The following KIAA0825 variants were observed in gnomAD, a reference collection of about 807,000 sequenced individuals.
KIAA0825 encodes the protein uncharacterized protein KIAA0825.
KIAA0825 carries 119 observed loss-of-function variants against 147.6 expected under a neutral mutation model. That is an observed-to-expected ratio of 0.81 (90% CI 0.69 to 0.94). The LOEUF (loss-of-function observed/expected upper bound fraction) is 0.94, where lower values mean the gene tolerates loss of function less well. Among genes scored for constraint, KIAA0825 ranks in the 40% least tolerant of loss-of-function variants. KIAA0825 has a pLI of 0.00. For synonymous variants in KIAA0825, 470 were observed against 518.1 expected (o/e 0.91, Z 1.26); for missense variants, 1,381 against 1,472.7 (o/e 0.94, Z 1.02).
intron 20 of KIAA0825, among the ~76,000 whole-genome samples, chr5:94,236,018 T>C (rs1024712704): frequency 6.6e-6 from 1 of 152,116 alleles, no homozygotes; most frequent in African/African-American, 2.4e-5. Context: ...AGGAGATTCA[T>C]GTTGTTTTTA....
chr5:94,319,040 T>C (rs1241214014), intron 20 of KIAA0825, among the ~76,000 whole-genome samples: 1 of 151,842 alleles, frequency 6.6e-6, no homozygotes, highest in Non-Finnish European at 1.5e-5. Flanking sequence ...AGGCTTGATA[T>C]TGATGAGAGA....
intron 20 of KIAA0825, among the ~76,000 whole-genome samples, chr5:94,365,619 CCTAA>C (rs1304943225): frequency 1.3e-5 from 2 of 152,162 alleles, no homozygotes; most frequent in Non-Finnish European, 2.9e-5. Flanking sequence ...AGAGATCGGA[CCTAA>C]CTAACACCAT....
chr5:94,211,067 G>A (rs1006335160), intron 20 of KIAA0825, among the ~76,000 whole-genome samples: 3 of 152,090 alleles, frequency 2.0e-5, no homozygotes, highest in African/African-American at 7.2e-5. Context: ...CAAAATCTGA[G>A]TTCCTGGCTT....
chr5:94,509,064 G>C (rs1766128479), intron 5 of KIAA0825, among the ~76,000 whole-genome samples: 1 of 152,194 alleles, frequency 6.6e-6, no homozygotes, highest in African/African-American at 2.4e-5. Context: ...AAATGAAGCA[G>C]GGGGGTCTGA....
intron 20 of KIAA0825, among the ~76,000 whole-genome samples, chr5:94,274,256 T>A (rs988593936): frequency 6.6e-6 from 1 of 152,150 alleles, no homozygotes; most frequent in Non-Finnish European, 1.5e-5. Flanking sequence ...TAATATGAGA[T>A]GGTTGAACTA....
intron 20 of KIAA0825, among the ~76,000 whole-genome samples, chr5:94,161,988 A>T (rs1469130933): frequency 6.6e-6 from 1 of 152,228 alleles, no homozygotes; most frequent in Non-Finnish European, 1.5e-5. Flanking sequence ...ACCCAAGCTG[A>T]GGCCACTTAA....
rs1562283991 is a variant in KIAA0825, at chr5:94,152,846, AAAAAAAAAATTATATATATATATATATAT to A, written c.*1132_*1160del. 7.5e-4 allele frequency: 27 copies of A among 36,188 alleles called. No homozygotes were observed. The highest frequency in any genetic ancestry group is 2.6e-3 in the African/African-American group (26 of 10,176). 2.2% of individuals were successfully genotyped at this position (36,188 alleles called of 1,614,324 possible). A position where few individuals can be genotyped will look rare whatever the true frequency, so the allele number is the denominator to read the frequency against. Reference sequence around the variant, plus strand: ...GAAAAAAAAAAAAAAAAAAAAAAAAAAAAAAAAAATTATATATATATATATATATATATATATATATATATATATATATA... The same window carrying A: ...GAAAAAAAAAAAAAAAAAAAAAAAAAATATATATATATATATATATATATA... On this transcript the variant is annotated 3_prime_UTR_variant, in exon 21 of 21. Coordinates refer to ENST00000682413, the MANE Select transcript of KIAA0825 (RefSeq NM_001145678.3).
At chr5:94,593,917 C>A (rs1784798499) in intron 1 of KIAA0825, 1 of 430,002 alleles carries the variant, frequency 2.3e-6, no homozygotes, top group Admixed American at 3.0e-5. Context: ...TGGGAATATC[C>A]AGAATTGAAG....
chr5:94,551,640 A>G (rs750592513), intron 2 of KIAA0825, among the ~76,000 whole-genome samples: 1 of 152,118 alleles, frequency 6.6e-6, no homozygotes, highest in East Asian at 1.9e-4. Flanking sequence ...ATGGAGAAAC[A>G]GTCTTTCCCA....
chr5:94,170,409 C>A (rs1229745074), intron 20 of KIAA0825, among the ~76,000 whole-genome samples: 2 of 152,180 alleles, frequency 1.3e-5, no homozygotes, highest in Non-Finnish European at 2.9e-5. Context: ...ACAGTGGTGG[C>A]AGATTAGGAA....
intron 20 of KIAA0825, among the ~76,000 whole-genome samples, chr5:94,382,716 T>A (rs1174007475): frequency 1.3e-5 from 2 of 152,170 alleles, no homozygotes; most frequent in East Asian, 1.9e-4. Flanking sequence ...CCTGCACAGA[T>A]CTCAAGAAAA....
At chr5:94,525,490 G>T (rs568331169) in intron 3 of KIAA0825, among the ~76,000 whole-genome samples, 5 of 151,962 alleles carry the variant, frequency 3.3e-5, no homozygotes, top group Admixed American at 6.6e-5. Context: ...CTGGCCACAG[G>T]CCACTCAATT....
intron 14 of KIAA0825, among the ~76,000 whole-genome samples, chr5:94,430,514 A>T (rs7723682): frequency 0.11 from 17,334 of 152,268 alleles, 1,146 homozygotes; most frequent in Middle Eastern, 0.19. Context: ...TCAAGTGCGC[A>T]ATTTACTCAA....
chr5:94,455,758 G>T (rs898202512), intron 12 of KIAA0825, among the ~76,000 whole-genome samples: 1 of 152,124 alleles, frequency 6.6e-6, no homozygotes, highest in Non-Finnish European at 1.5e-5. Context: ...GTGCATTCAT[G>T]ATGGTGTGGA....
At chr5:94,464,382 A>G (rs1019741028) in intron 11 of KIAA0825, among the ~76,000 whole-genome samples, 3 of 152,156 alleles carry the variant, frequency 2.0e-5, no homozygotes. Context: ...AATAAAAGGA[A>G]AAAATAATTA....
intron 20 of KIAA0825, among the ~76,000 whole-genome samples, chr5:94,246,669 C>T (rs528239127): frequency 6.6e-6 from 1 of 152,246 alleles, no homozygotes; most frequent in East Asian, 1.9e-4. Flanking sequence ...ATACATAGAG[C>T]AGATATGAGT....
At chr5:94,213,336 C>T (rs1772906951) in intron 20 of KIAA0825, among the ~76,000 whole-genome samples, 1 of 152,162 alleles carries the variant, frequency 6.6e-6, no homozygotes, top group Non-Finnish European at 1.5e-5. Context: ...AGTCCTTTCT[C>T]TTGGTAATAT....
At chr5:94,309,658 C>T (rs1240953911) in intron 20 of KIAA0825, among the ~76,000 whole-genome samples, 2 of 151,564 alleles carry the variant, frequency 1.3e-5, no homozygotes, top group Admixed American at 6.6e-5. Flanking sequence ...GCATAGGATA[C>T]GACAGTGGCA....
At chr5:94,179,021 C>A (rs1326438544) in intron 20 of KIAA0825, among the ~76,000 whole-genome samples, 2 of 152,032 alleles carry the variant, frequency 1.3e-5, no homozygotes, top group African/African-American at 4.8e-5. Context: ...TGAAAGAAGA[C>A]AGAATCAAAT....
Sources: gnomAD v4.1 joint callset for allele counts (sites outside exome capture counted in the v4.1 genomes callset) on GRCh38, gnomAD v4.1.1 for gene constraint, MANE v1.5 for transcripts, NCBI Gene and HGNC (gene_info 2026-07-23, HGNC 2026-07-21) for gene names.